DTHD1: variants seen among roughly 807,000 people sequenced by gnomAD.
DTHD1 encodes the protein death domain-containing protein 1.
In DTHD1, 59 loss-of-function variants were observed where a neutral mutation model predicts 74.8. The observed-to-expected ratio is 0.79, with a 90% CI of 0.64 to 0.98. The LOEUF is 0.98. DTHD1 is among the 50% of genes least tolerant of loss of function. The probability of loss-of-function intolerance (pLI) is 0.00; values close to 1 mark genes in which losing one functional copy is unlikely to be tolerated. For synonymous variants in DTHD1, 365 were observed against 371.1 expected (o/e 0.98, Z 0.19); for missense variants, 1,051 against 1,065.4 (o/e 0.99, Z 0.19).
intron 8 of DTHD1, among the ~76,000 whole-genome samples, chr4:36,330,169 G>A (rs760838758): frequency 2.0e-5 from 3 of 152,064 alleles, no homozygotes; most frequent in South Asian, 2.1e-4. Flanking sequence ...TTTGCTTAAG[G>A]GTACGAGTTT....
intron 7 of DTHD1, 133 bp from the exon 8 acceptor site, chr4:36,316,109 G>GT (rs1560805805): frequency 1.3e-6 from 1 of 779,980 alleles, no homozygotes; most frequent in Non-Finnish European, 1.9e-6. Context: ...TTAATTTTTT[G>GT]TATTTTTAGT....
chr4:36,337,322 C>T (rs17460330), intron 8 of DTHD1, among the ~76,000 whole-genome samples: 31,196 of 152,006 alleles, frequency 0.21, 4,100 homozygotes, highest in Non-Finnish European at 0.29. Context: ...TATGGTTGTG[C>T]ATCAGGTGAA....
intron 9 of DTHD1, among the ~76,000 whole-genome samples, chr4:36,340,877 GAGTT>G (rs1370478638): frequency 6.6e-6 from 1 of 152,120 alleles, no homozygotes; most frequent in Non-Finnish European, 1.5e-5. Context: ...AGGAGGAAGA[GAGTT>G]AGCAGGGGGA....
rs2109493303 is a variant in DTHD1, at chr4:36,306,184, T to C, written c.1644-7T>C. Reference sequence around the variant, plus strand: ...GTACCAATATCTCTTCTGTTACCATTATATAGGACAAAAATTGCCTCCATA... The same window carrying C: ...GTACCAATATCTCTTCTGTTACCATCATATAGGACAAAAATTGCCTCCATA... On this transcript the variant is annotated splice_polypyrimidine_tract_variant and splice_region_variant and intron_variant, in intron 5 of 9. Transcript: ENST00000639862. The C allele has an allele frequency of 6.4e-7, 1 of 1,550,680 alleles. No homozygotes were observed. Among genetic ancestry groups the C allele is most frequent in the Non-Finnish European group, 8.7e-7 (1 of 1,146,200 alleles).
In DTHD1 at chr4:36,344,845, A is replaced by G. The variant is rs1414871934; in HGVS notation, c.*1021A>G. 1 of 152,164 alleles carries G rather than the reference A, an allele frequency of 6.6e-6. No individual in the cohort carries two copies. Among genetic ancestry groups the G allele is most frequent in the East Asian group, 1.9e-4 (1 of 5,196 alleles). 9.4% of individuals were successfully genotyped at this position (152,164 alleles called of 1,614,324 possible). On this transcript the variant is annotated 3_prime_UTR_variant, in exon 10 of 10. Coordinates refer to ENST00000639862, the MANE Select transcript of DTHD1 (RefSeq NM_001170700.3). ...GACTCAGGCAACCAATTCAAGTTAC[A>G]TAGATACCATAGAGCCTACAGTAAA...
chr4:36,328,815 C>T (rs549197929), intron 8 of DTHD1, among the ~76,000 whole-genome samples: 35 of 152,334 alleles, frequency 2.3e-4, no homozygotes, highest in Admixed American at 9.8e-4. Context: ...CCCCTATTCC[C>T]TATTTTCCTA....
intron 7 of DTHD1, among the ~76,000 whole-genome samples, chr4:36,312,328 GTATCTCTACATC>G (rs1464868256): frequency 6.6e-6 from 1 of 151,660 alleles, no homozygotes; most frequent in African/African-American, 2.4e-5. Context: ...TCTATAGGAT[GTATCTCTACATC>G]TATCTCTACA....
At chr4:36,324,828 A>G (rs1429092729) in intron 8 of DTHD1, among the ~76,000 whole-genome samples, 1 of 152,256 alleles carries the variant, frequency 6.6e-6, no homozygotes, top group Non-Finnish European at 1.5e-5. Context: ...TGTTAATTGC[A>G]AATGAATAGT....
At position 36,308,439 on chromosome 4, in the gene DTHD1, G is replaced by A; in HGVS notation, c.2041G>A (p.Val681Ile). 1.3e-6 allele frequency: 2 copies of A among 1,551,840 alleles called. No homozygotes were observed. The highest frequency in any genetic ancestry group is 1.7e-6 in the Non-Finnish European group (2 of 1,147,008). The change falls in exon 7 of 10, where the codon GTT (valine) becomes ATT (isoleucine). Residue 681 changes from valine (V) to isoleucine (I), a missense_variant. Transcript: ENST00000639862. ...TCCAGAGCCATCTCGTCATTTCCAA[G>A]TTCGAGAAGGAGAACAACTTCTTTT... ...GPPEPSRHFQ[V>I]REGEQLLLRF...
Position 36,308,302 on chromosome 4 carries a change from T to C in DTHD1, c.1904T>C (p.Ile635Thr). 6.4e-7 allele frequency: 1 copy of C among 1,552,080 alleles called. No homozygotes were observed. The highest frequency in any genetic ancestry group is 8.7e-7 in the Non-Finnish European group (1 of 1,147,076). The change falls in exon 7 of 10, where the codon ATA becomes ACA. Residue 635 changes from isoleucine (I) to threonine (T), a missense_variant. Transcript: ENST00000639862. Reference protein sequence around the residue: ...EEAMLSTTACIVLSHQKDNPH... With the variant: ...EEAMLSTTACTVLSHQKDNPH... Reference sequence around the variant, plus strand: ...GCCATGCTCAGCACCACTGCCTGCATAGTACTGTCTCACCAGAAGGACAAT... The same window carrying C: ...GCCATGCTCAGCACCACTGCCTGCACAGTACTGTCTCACCAGAAGGACAAT...
At chr4:36,288,614 T>C (rs1755860300) in intron 2 of DTHD1, among the ~76,000 whole-genome samples, 1 of 152,230 alleles carries the variant, frequency 6.6e-6, no homozygotes, top group Admixed American at 6.5e-5. Flanking sequence ...ATCAGTTGGC[T>C]GTAAGTATTT....
intron 8 of DTHD1, among the ~76,000 whole-genome samples, chr4:36,326,427 A>T (rs1758351221): frequency 6.6e-6 from 1 of 150,656 alleles, no homozygotes; most frequent in African/African-American, 2.4e-5. Flanking sequence ...AAAAAAAAAA[A>T]CCTTAAATAA....
intron 4 of DTHD1, 60 bp downstream of exon 4, chr4:36,293,765 G>T (rs530655283): frequency 6.7e-6 from 9 of 1,345,242 alleles, no homozygotes; most frequent in Non-Finnish European, 8.8e-6. Context: ...ATCAAGCATG[G>T]TTCTAAACAA....
At chr4:36,331,972 C>A (rs1319945014) in intron 8 of DTHD1, among the ~76,000 whole-genome samples, 2 of 152,058 alleles carry the variant, frequency 1.3e-5, no homozygotes, top group Non-Finnish European at 2.9e-5. Context: ...ATTGACCGCA[C>A]AAGGAACAAT....
At chr4:36,289,580 A>G (rs1755930370) in intron 2 of DTHD1, among the ~76,000 whole-genome samples, 1 of 152,158 alleles carries the variant, frequency 6.6e-6, no homozygotes, top group South Asian at 2.1e-4. Context: ...CCTACCTAAT[A>G]CAATAGTTGT....
intron 5 of DTHD1, among the ~76,000 whole-genome samples, chr4:36,303,998 G>A (rs1756912544): frequency 2.0e-5 from 3 of 152,142 alleles, no homozygotes; most frequent in Non-Finnish European, 4.4e-5. Context: ...CTCAACCACA[G>A]AGGCCAGGAA....
chr4:36,293,274 G>GA (rs1756189370), intron 3 of DTHD1, among the ~76,000 whole-genome samples: 1 of 151,984 alleles, frequency 6.6e-6, no homozygotes, highest in Admixed American at 6.6e-5. Context: ...CAATTTTGGG[G>GA]AAGATTTAAT....
intron 2 of DTHD1, 111 bp downstream of exon 2, chr4:36,284,702 T>C (rs1755603096): frequency 8.1e-6 from 7 of 865,082 alleles, no homozygotes; most frequent in Non-Finnish European, 1.0e-5. Flanking sequence ...CATCATAAAG[T>C]GAGTAGCTTT....
rs773526975 is a variant in DTHD1 at position 36,285,826 on chromosome 4, C to T, written c.887+1235C>T. Reference sequence around the variant, plus strand: ...AGGTCAAATGAGAAAATCACTTAAACGACCTAACACCAGGCCACTTTTTCA... The same window carrying T: ...AGGTCAAATGAGAAAATCACTTAAATGACCTAACACCAGGCCACTTTTTCA... On this transcript the variant is annotated intron_variant, in intron 2 of 9. Transcript: ENST00000639862. 5.3e-5 allele frequency among the ~76,000 whole-genome samples: 8 copies of T among 152,256 alleles called. No homozygotes were observed. The South Asian group carries it at 8.3e-4, about 16-fold the overall frequency.
Sources: allele counts gnomAD v4.1 joint callset (sites outside exome capture counted in the v4.1 genomes callset), GRCh38; gene constraint gnomAD v4.1.1; transcripts MANE v1.5; gene names NCBI Gene and HGNC (gene_info 2026-07-23, HGNC 2026-07-21).